The following ANTXR1 variants were observed in gnomAD, a reference collection of about 807,000 sequenced individuals.
ANTXR1 encodes the protein ANTXR cell adhesion molecule 1.
In ANTXR1, 19 loss-of-function variants were observed where a neutral mutation model predicts 78.1. The ratio of observed to expected loss-of-function variants is 0.24; its 90% CI spans 0.17 to 0.36. The LOEUF is 0.36. Among genes scored for constraint, ANTXR1 ranks in the 10% least tolerant of loss-of-function variants. The pLI, the probability that ANTXR1 is intolerant of heterozygous loss-of-function variation, is 1.00. For synonymous variants in ANTXR1, 273 were observed against 260.5 expected (o/e 1.05, Z -0.46); for missense variants, 518 against 718.6 (o/e 0.72, Z 3.19).
rs1339852336 is a variant in ANTXR1 at position 69,132,758 on chromosome 2, G to A, written c.951+8115G>A. 2.0e-5 allele frequency among the ~76,000 whole-genome samples: 3 copies of A among 152,210 alleles called. No homozygotes were observed. The East Asian group carries it at 5.8e-4, about 29-fold the overall frequency. ...TTTACTAAGGAAAGAAGGATGGGGAGGAGGTTGCTGGTAGCAAATGGAGCC... is the reference window on the plus strand; with the variant it reads ...TTTACTAAGGAAAGAAGGATGGGGAAGAGGTTGCTGGTAGCAAATGGAGCC... On this transcript the variant is annotated intron_variant, in intron 12 of 17. Coordinates refer to ENST00000303714, the MANE Select transcript of ANTXR1 (RefSeq NM_032208.3).
At chr2:69,171,121 C>G (rs7579886) in intron 14 of ANTXR1, among the ~76,000 whole-genome samples, 9,498 of 152,278 alleles carry the variant, frequency 0.062, 976 homozygotes, top group African/African-American at 0.22. Flanking sequence ...CAATCCCTAA[C>G]GTCTGTTGTG....
Position 69,170,259 on chromosome 2 carries a change from G to A in ANTXR1, c.1059G>A (p.Glu353=), listed in dbSNP as rs1259865950. 1.2e-6 allele frequency: 2 copies of A among 1,614,148 alleles called. No individual in the cohort carries two copies. The highest frequency in any genetic ancestry group is 2.2e-5 in the South Asian group (2 of 91,078). ...WPLCCTVIIK[E]VPPPPAEESE... is the part of the protein sequence containing the mutation. The stretch of plus-strand genomic sequence containing the variant: ...TGTTTTCTTTTCAGATTATCAAGGA[G>A]GTCCCTCCACCCCCTGCCGAGGAGA... The change falls in exon 14 of 18, where the codon GAG becomes GAA. Residue 353 remains glutamate (E), a synonymous_variant. Transcript: ENST00000303714.
chr2:69,127,981 C>A (rs1193271313), intron 12 of ANTXR1, among the ~76,000 whole-genome samples: 4 of 152,172 alleles, frequency 2.6e-5, no homozygotes, highest in African/African-American at 7.2e-5. Context: ...TATCCCAACA[C>A]TTTAGGAGAC....
intron 14 of ANTXR1, among the ~76,000 whole-genome samples, chr2:69,180,253 C>T (rs1246573797): frequency 6.6e-6 from 1 of 152,242 alleles, no homozygotes; most frequent in Non-Finnish European, 1.5e-5. Flanking sequence ...CATAGGACTT[C>T]ACCCAAATGC....
intron 12 of ANTXR1, among the ~76,000 whole-genome samples, chr2:69,135,683 G>A (rs1672888909): frequency 6.6e-6 from 1 of 152,066 alleles, no homozygotes; most frequent in Non-Finnish European, 1.5e-5. Flanking sequence ...TAACCTGGAA[G>A]TTATAATAAT....
rs150997733 is a variant in ANTXR1 at position 69,117,414 on chromosome 2, A to C, written c.803-5603A>C. Among the ~76,000 whole-genome samples, 4 of 152,330 alleles carry C rather than the reference A, an allele frequency of 2.6e-5. No individual in the cohort carries two copies. In the East Asian group the frequency reaches 7.7e-4, roughly 29 times the overall value. On this transcript the variant is annotated intron_variant, in intron 10 of 17. Transcript: ENST00000303714. ...CTCTCAGAGGGTTGTAGAAGCATCA[A>C]ATGAGATCGTGGGTATATGATGTTA... is the stretch of plus-strand genomic sequence containing the variant.
chr2:69,234,033 CAT>C (rs915657174), intron 17 of ANTXR1, among the ~76,000 whole-genome samples: 1 of 151,974 alleles, frequency 6.6e-6, no homozygotes, highest in Admixed American at 6.6e-5. Context: ...GATGAGAAAA[CAT>C]AAAAATATAA....
At chr2:69,100,253 G>A (rs980552441) in intron 9 of ANTXR1, among the ~76,000 whole-genome samples, 3 of 152,190 alleles carry the variant, frequency 2.0e-5, no homozygotes, top group African/African-American at 4.8e-5. Flanking sequence ...ACGTCTATGT[G>A]TGAAGAGCTG....
chr2:69,135,017 A>G, intron 12 of ANTXR1: 1 of 416,856 alleles, frequency 2.4e-6, no homozygotes, highest in Non-Finnish European at 4.9e-6. Context: ...TTTTACATAC[A>G]ATCATTAGAG....
At position 69,132,248 on chromosome 2, in the gene ANTXR1, A is replaced by G. The variant is rs772468006; in HGVS notation, c.951+7605A>G. ...GGATGCACAGTCTGCTTTAGTGAGT[A>G]CTGGCTCAGAAGAGGATGTGCTGGA... On this transcript the variant is annotated intron_variant, in intron 12 of 17. Transcript: ENST00000303714. Among the ~76,000 whole-genome samples the G allele has an allele frequency of 1.4e-3, 217 of 152,346 alleles. 3 individuals carry two copies. Among genetic ancestry groups the G allele is most frequent in the Middle Eastern group, 3.4e-3 (1 of 294 alleles).
intron 17 of ANTXR1, among the ~76,000 whole-genome samples, chr2:69,212,657 C>T (rs1378997032): frequency 6.6e-6 from 1 of 152,164 alleles, no homozygotes; most frequent in East Asian, 1.9e-4. Flanking sequence ...CCAGTTAGTA[C>T]TGAGGTGTTT....
rs893937444 is a variant in ANTXR1 at position 69,172,449 on chromosome 2, T to C, written c.1089+2160T>C. 8 of 1,582,826 alleles carry C rather than the reference T, an allele frequency of 5.1e-6. No individual in the cohort carries two copies. The African/African-American group carries it at 5.4e-5, about 11-fold the overall frequency. On this transcript the variant is annotated intron_variant, in intron 14 of 17. Transcript: ENST00000303714. Reference sequence around the variant, plus strand: ...CCTAACACAGCCCGTGCAACGTATTTTATACAATGCTCTGAAAATCATAGT... The same window carrying C: ...CCTAACACAGCCCGTGCAACGTATTCTATACAATGCTCTGAAAATCATAGT...
At chr2:69,224,743 T>G (rs369362553) in intron 17 of ANTXR1, among the ~76,000 whole-genome samples, 48 of 152,258 alleles carry the variant, frequency 3.2e-4, no homozygotes, top group African/African-American at 1.1e-3. Flanking sequence ...GAAAATGTCA[T>G]TTTCCCATGA....
chr2:69,242,931 G>C (rs1031457003), intron 17 of ANTXR1, among the ~76,000 whole-genome samples: 3 of 152,242 alleles, frequency 2.0e-5, no homozygotes, highest in Non-Finnish European at 4.4e-5. Flanking sequence ...TGCCTGAAAG[G>C]CTGGACATAA....
At chr2:69,093,170 C>A (rs1204640466) in intron 9 of ANTXR1, among the ~76,000 whole-genome samples, 1 of 152,160 alleles carries the variant, frequency 6.6e-6, no homozygotes, top group Non-Finnish European at 1.5e-5. Context: ...ACCCAGCACT[C>A]ACTAGGTGGC....
intron 1 of ANTXR1, among the ~76,000 whole-genome samples, chr2:69,038,874 A>G (rs978821143): frequency 6.6e-6 from 1 of 152,182 alleles, no homozygotes; most frequent in Non-Finnish European, 1.5e-5. Flanking sequence ...CTGGAAATGG[A>G]ATACACCCGA....
intron 3 of ANTXR1, among the ~76,000 whole-genome samples, chr2:69,054,398 C>T (rs1486883822): frequency 6.6e-6 from 1 of 152,158 alleles, no homozygotes; most frequent in South Asian, 2.1e-4. Context: ...AACAGTTCCC[C>T]GAGGCAGCCT....
At chr2:69,220,179 C>T (rs935687000) in intron 17 of ANTXR1, among the ~76,000 whole-genome samples, 1 of 152,184 alleles carries the variant, frequency 6.6e-6, no homozygotes, top group Non-Finnish European at 1.5e-5. Context: ...AAGGCAGTCT[C>T]ATGGCTGCAA....
intron 14 of ANTXR1, among the ~76,000 whole-genome samples, chr2:69,175,154 C>T (rs1432487125): frequency 6.6e-6 from 1 of 152,236 alleles, no homozygotes; most frequent in Non-Finnish European, 1.5e-5. Flanking sequence ...ACACAGGGCA[C>T]ACAGCCCCTT....
Sources: gnomAD v4.1 joint callset for allele counts (sites outside exome capture counted in the v4.1 genomes callset) on GRCh38, gnomAD v4.1.1 for gene constraint, MANE v1.5 for transcripts, NCBI Gene and HGNC (gene_info 2026-07-23, HGNC 2026-07-21) for gene names.